The following ATG14 variants were observed in gnomAD, a reference collection of about 807,000 sequenced individuals.
ATG14 encodes the protein beclin 1-associated autophagy-related key regulator.
ATG14 carries 35 observed loss-of-function variants against 60.4 expected under a neutral mutation model. The observed-to-expected ratio is 0.58, with a 90% CI of 0.44 to 0.77. ATG14 has a LOEUF of 0.77. Ranked by LOEUF, ATG14 falls within the 30% of genes least tolerant of loss-of-function variation. ATG14 has a pLI of 0.00. For missense variants in ATG14, 647 were observed against 626.3 expected, an observed-to-expected ratio of 1.03 and a Z score of -0.35; for synonymous variants, 234 against 228.8, an observed-to-expected ratio of 1.02 and a Z score of -0.21.
In ATG14 at chr14:55,411,823, G is replaced by A. The variant is rs1202246912; in HGVS notation, c.-1C>T. ...CTCCCTTCCCACTGGGAGACGCCAT[G>A]ATGGCCTGAGAGGAGAGCCAGTCAC... On this transcript the variant is annotated 5_prime_UTR_variant, in exon 1 of 10. Transcript: ENST00000247178. 6.3e-7 allele frequency: 1 copy of A among 1,588,116 alleles called. No individual in the cohort carries two copies. Among genetic ancestry groups the A allele is most frequent in the Non-Finnish European group, 8.6e-7 (1 of 1,167,960 alleles).
chr14:55,397,214 T>C (rs951563413), intron 2 of ATG14, among the ~76,000 whole-genome samples, 158 bp downstream of exon 2: 1 of 152,180 alleles, frequency 6.6e-6, no homozygotes, highest in Non-Finnish European at 1.5e-5. Flanking sequence ...CTTCTCCTGC[T>C]TTACCTCTCC....
In ATG14 at chr14:55,371,794, ACT is replaced by A. The variant is rs1163399698; in HGVS notation, c.1173-1871_1173-1870del. On this transcript the variant is annotated intron_variant, in intron 9 of 9. Coordinates refer to ENST00000247178, the MANE Select transcript of ATG14 (RefSeq NM_014924.5). ...ACTCTAGCCTGGGCGACAGAGCGAGACTCTGTCTCAAAAAACAAACAAAAAAA... is the reference window on the plus strand; with the variant it reads ...ACTCTAGCCTGGGCGACAGAGCGAGACTGTCTCAAAAAACAAACAAAAAAA... Among the ~76,000 whole-genome samples the A allele has an allele frequency of 4.0e-5, 6 of 150,174 alleles. No individual in the cohort carries two copies. The East Asian group carries it at 5.9e-4, about 15-fold the overall frequency.
intron 7 of ATG14, among the ~76,000 whole-genome samples, chr14:55,379,779 T>C (rs1884993820): frequency 6.6e-6 from 1 of 152,160 alleles, no homozygotes; most frequent in Non-Finnish European, 1.5e-5. Flanking sequence ...TGGAGTGCAG[T>C]GGTGTGATCT....
intron 1 of ATG14, among the ~76,000 whole-genome samples, chr14:55,410,535 C>A (rs1343690455): frequency 6.6e-6 from 1 of 152,172 alleles, no homozygotes; most frequent in Non-Finnish European, 1.5e-5. Context: ...TCATTCAAAC[C>A]TCCTCAAAAG....
At chr14:55,405,249 G>T (rs1249624548) in intron 1 of ATG14, among the ~76,000 whole-genome samples, 1 of 152,160 alleles carries the variant, frequency 6.6e-6, no homozygotes, top group African/African-American at 2.4e-5. Context: ...TATACTGAAG[G>T]GAGAACAGAA....
At chr14:55,390,420 C>T (rs966852582) in intron 4 of ATG14, among the ~76,000 whole-genome samples, 2 of 151,854 alleles carry the variant, frequency 1.3e-5, no homozygotes, top group African/African-American at 2.4e-5. Flanking sequence ...TGTGCCCAGG[C>T]TGGAGTGCAG....
chr14:55,375,024 C>A (rs1049644467), intron 9 of ATG14, among the ~76,000 whole-genome samples: 2 of 152,228 alleles, frequency 1.3e-5, no homozygotes, highest in Admixed American at 1.3e-4. Context: ...TACGATCAGT[C>A]TTCCTTTTGA....
chr14:55,388,141 CCAACAACAACAA>C (rs766038675), intron 4 of ATG14, among the ~76,000 whole-genome samples: 2 of 152,068 alleles, frequency 1.3e-5, no homozygotes, highest in Non-Finnish European at 2.9e-5. Flanking sequence ...CATCTCAAAA[CCAACAACAACAA>C]CATCTCTTTG....
At chr14:55,401,756 G>T (rs1885403232) in intron 1 of ATG14, among the ~76,000 whole-genome samples, 1 of 152,154 alleles carries the variant, frequency 6.6e-6, no homozygotes, top group African/African-American at 2.4e-5. Flanking sequence ...CACAGCCCCA[G>T]TGGCACCAGA....
At chr14:55,406,473 GAAGA>G (rs1225091195) in intron 1 of ATG14, among the ~76,000 whole-genome samples, 1 of 152,220 alleles carries the variant, frequency 6.6e-6, no homozygotes, top group Non-Finnish European at 1.5e-5. Context: ...CAAAAATTAT[GAAGA>G]TAGAATATCT....
At position 55,377,892 on chromosome 14, in the gene ATG14, C is replaced by G; in HGVS notation, c.1099G>C (p.Asp367His). The change falls in exon 9 of 10, where the codon GAT (aspartate) becomes CAT (histidine). Residue 367 changes from aspartate (D) to histidine (H), a missense_variant. Transcript: ENST00000247178. ...AGGGTATGCAGTGGTTGTAATTGAT[C>G]TAAATTTACATGCTAAAAAAAATTA... Reference protein sequence around the residue: ...YLCFSQHVNLDQLQPLHTLRN... With the variant: ...YLCFSQHVNLHQLQPLHTLRN... 2.5e-6 allele frequency: 4 copies of G among 1,605,370 alleles called. No individual in the cohort carries two copies. The highest frequency in any genetic ancestry group is 3.4e-6 in the Non-Finnish European group (4 of 1,176,904).
intron 4 of ATG14, 73 bp downstream of exon 4, chr14:55,390,838 T>C: frequency 9.5e-7 from 1 of 1,049,468 alleles, no homozygotes; most frequent in South Asian, 1.4e-5. Context: ...TCTGTGTCCC[T>C]CTAGTTTATT....
In ATG14 at chr14:55,382,496, T is replaced by A. The variant is rs534422906; in HGVS notation, c.648-305A>T. Among the ~76,000 whole-genome samples the A allele has an allele frequency of 7.6e-4, 116 of 151,762 alleles. 2 individuals are homozygous for A. The highest frequency in any genetic ancestry group is 6.1e-3 in the South Asian group (29 of 4,792). Reference sequence around the variant, plus strand: ...CACCACACCTGGTTAACTTAAAAAATTTTTTTTTGTAGAGATGGGGTCTCA... The same window carrying A: ...CACCACACCTGGTTAACTTAAAAAAATTTTTTTTGTAGAGATGGGGTCTCA... On this transcript the variant is annotated intron_variant, in intron 5 of 9. Coordinates refer to ENST00000247178, the MANE Select transcript of ATG14 (RefSeq NM_014924.5).
chr14:55,371,227 G>A (rs368856217), intron 9 of ATG14, among the ~76,000 whole-genome samples: 9 of 152,158 alleles, frequency 5.9e-5, no homozygotes, highest in Non-Finnish European at 1.2e-4. Flanking sequence ...GCCTAGAATC[G>A]TATAGCTTGC....
intron 9 of ATG14, among the ~76,000 whole-genome samples, chr14:55,376,821 C>A (rs1219964417): frequency 1.3e-5 from 2 of 152,192 alleles, no homozygotes; most frequent in Non-Finnish European, 2.9e-5. Flanking sequence ...CTGCTAAGAG[C>A]AAGGAAAAAA....
intron 4 of ATG14, among the ~76,000 whole-genome samples, chr14:55,386,860 G>C (rs1885133657): frequency 6.6e-6 from 1 of 152,158 alleles, no homozygotes; most frequent in Non-Finnish European, 1.5e-5. Context: ...CTCTCAGACA[G>C]ATATCTAGGA....
chr14:55,376,262 A>G (rs1884918057), intron 9 of ATG14, among the ~76,000 whole-genome samples: 2 of 152,244 alleles, frequency 1.3e-5, no homozygotes, highest in Admixed American at 1.3e-4. Flanking sequence ...CCTTGTGTCA[A>G]TAAATAGTGG....
chr14:55,378,708 T>A (rs1428561492), intron 7 of ATG14, among the ~76,000 whole-genome samples: 1 of 151,518 alleles, frequency 6.6e-6, no homozygotes, highest in African/African-American at 2.4e-5. Flanking sequence ...ACCTTTTTTG[T>A]TTGTTTTTTA....
At chr14:55,388,796 C>T (rs781347956) in intron 4 of ATG14, among the ~76,000 whole-genome samples, 6 of 152,166 alleles carry the variant, frequency 3.9e-5, no homozygotes, top group Non-Finnish European at 8.8e-5. Context: ...CATGTACATT[C>T]TAAAAGAGCA....
Sources: allele counts gnomAD v4.1 joint callset (sites outside exome capture counted in the v4.1 genomes callset), GRCh38; gene constraint gnomAD v4.1.1; transcripts MANE v1.5; gene names NCBI Gene and HGNC (gene_info 2026-07-23, HGNC 2026-07-21).